The following SOX5 variants were observed in gnomAD, a reference collection of about 807,000 sequenced individuals.
SOX5 encodes SRY-box transcription factor 5.
A neutral mutation model predicts 92.0 loss-of-function variants in SOX5; 9 were observed. The ratio of observed to expected loss-of-function variants is 0.10; its 90% CI spans 0.06 to 0.17. The LOEUF (loss-of-function observed/expected upper bound fraction) is 0.17. SOX5 is among the 10% of genes least tolerant of loss of function. The pLI, the probability that SOX5 is intolerant of heterozygous loss-of-function variation, is 1.00. For synonymous variants in SOX5, 344 were observed against 336.3 expected, an observed-to-expected ratio of 1.02 and a Z score of -0.25; for missense variants, 642 against 944.5, an observed-to-expected ratio of 0.68 and a Z score of 4.20.
chr12:23,811,094 C>T (rs1004363924), intron 3 of SOX5, among the ~76,000 whole-genome samples: 1 of 151,964 alleles, frequency 6.6e-6, no homozygotes, highest in African/African-American at 2.4e-5. Flanking sequence ...CTTGTAAAAG[C>T]CTCGATTTCT....
At chr12:24,554,203 G>A (rs201343850) in intron 1 of SOX5, among the ~76,000 whole-genome samples, 15 of 152,218 alleles carry the variant, frequency 9.9e-5, no homozygotes, top group African/African-American at 1.4e-4. Flanking sequence ...GAATTACACC[G>A]GTACATCTAG....
chr12:24,357,467 G>C (rs2141227459), intron 2 of SOX5: 1 of 152,332 alleles, frequency 6.6e-6, no homozygotes, highest in Admixed American at 6.5e-5. Context: ...ATGCAAAGCA[G>C]GAGGTTCCAA....
chr12:23,881,746 G>A (rs1005504028), intron 2 of SOX5, among the ~76,000 whole-genome samples: 6 of 152,042 alleles, frequency 3.9e-5, no homozygotes, highest in African/African-American at 1.4e-4. Flanking sequence ...AGGCATTTTA[G>A]GTAAGGACAT....
intron 3 of SOX5, among the ~76,000 whole-genome samples, chr12:24,226,458 T>C (rs1320662941): frequency 7.2e-5 from 11 of 152,130 alleles, no homozygotes; most frequent in Non-Finnish European, 1.6e-4. Context: ...GAGATCTTCC[T>C]CATTATTTTA....
intron 8 of SOX5, among the ~76,000 whole-genome samples, chr12:23,610,497 A>T (rs1028826555): frequency 6.6e-6 from 1 of 152,184 alleles, no homozygotes; most frequent in Non-Finnish European, 1.5e-5. Flanking sequence ...GAAAATTTTA[A>T]AAACAAGGAA....
intron 3 of SOX5, among the ~76,000 whole-genome samples, chr12:23,812,831 T>A (rs2095901964): frequency 6.6e-6 from 1 of 152,132 alleles, no homozygotes. Context: ...TTTACACTAA[T>A]ACACTTTTAT....
At chr12:24,014,538 A>G (rs1414241604) in intron 4 of SOX5, among the ~76,000 whole-genome samples, 2 of 152,188 alleles carry the variant, frequency 1.3e-5, no homozygotes, top group African/African-American at 4.8e-5. Context: ...AAGACTTAAA[A>G]GTTTGATGTA....
At chr12:24,383,664 C>A (rs1457406474) in intron 1 of SOX5, among the ~76,000 whole-genome samples, 1 of 152,164 alleles carries the variant, frequency 6.6e-6, no homozygotes, top group Non-Finnish European at 1.5e-5. Flanking sequence ...GTCATGGTAT[C>A]ACCATGCTTC....
rs150944680 is a variant in SOX5 at position 24,510,240 on chromosome 12, T to C, written c.-251+52089A>G. 5.3e-4 allele frequency among the ~76,000 whole-genome samples: 81 copies of C among 152,284 alleles called. No individual in the cohort carries two copies. The East Asian group carries it at 0.013, about 24-fold the overall frequency. On this transcript the variant is annotated intron_variant, in intron 1 of 4. Transcript: ENST00000446891. ...AACACACAGGTGAACACAGTGTGTT[T>C]TGGAAGCAATTACAGAACATAGACT...
chr12:23,661,555 G>A (rs1234652274), intron 7 of SOX5, among the ~76,000 whole-genome samples: 1 of 152,190 alleles, frequency 6.6e-6, no homozygotes, highest in Admixed American at 6.5e-5. Context: ...TTTGTGTAAA[G>A]TAGGATTTGC....
chr12:23,880,068 C>G lies in SOX5; in HGVS notation c.270+15725G>C, dbSNP rs73267714. ...GTGTGAGGATGCACCACAGCAGTAC[C>G]CTAAGAAAGAATTAAGCTCTAGAGG... On this transcript the variant is annotated intron_variant, in intron 2 of 14. Coordinates refer to ENST00000451604, the MANE Select transcript of SOX5 (RefSeq NM_006940.6). Among the ~76,000 whole-genome samples, 551 of 152,186 alleles carry G rather than the reference C, an allele frequency of 3.6e-3. 2 individuals carry two copies. Among genetic ancestry groups the G allele is most frequent in the African/African-American group, 0.013 (524 of 41,522 alleles).
At chr12:23,835,065 C>T (rs2096390351) in intron 3 of SOX5, among the ~76,000 whole-genome samples, 2 of 151,832 alleles carry the variant, frequency 1.3e-5, no homozygotes, top group Admixed American at 6.6e-5. Context: ...TCAGACTCCT[C>T]AATTTAACTG....
chr12:24,326,165 A>C (rs546948809), intron 2 of SOX5, among the ~76,000 whole-genome samples: 6 of 152,118 alleles, frequency 3.9e-5, no homozygotes, highest in South Asian at 2.1e-4. Flanking sequence ...CTAGTAAAAC[A>C]TTTGCTTCCC....
chr12:24,159,698 C>T (rs1453307965), intron 4 of SOX5, among the ~76,000 whole-genome samples: 3 of 151,978 alleles, frequency 2.0e-5, no homozygotes, highest in South Asian at 2.1e-4. Context: ...TTAAGGAACA[C>T]GTTCCAGATA....
chr12:24,556,483 A>C (rs1031739768), intron 1 of SOX5, among the ~76,000 whole-genome samples: 7 of 152,240 alleles, frequency 4.6e-5, no homozygotes, highest in Admixed American at 4.6e-4. Flanking sequence ...GACTCCAGAG[A>C]GCAAAACATT....
chr12:23,660,987 G>C (rs943620835), intron 7 of SOX5, among the ~76,000 whole-genome samples: 2 of 152,166 alleles, frequency 1.3e-5, no homozygotes, highest in Non-Finnish European at 2.9e-5. Context: ...CACACAGTTT[G>C]AGAACCATGG....
At chr12:23,664,420 C>T (rs1260108036) in intron 7 of SOX5, among the ~76,000 whole-genome samples, 2 of 151,574 alleles carry the variant, frequency 1.3e-5, no homozygotes, top group African/African-American at 4.9e-5. Context: ...CAGTGGTGTT[C>T]ACTTTTATCA....
chr12:23,904,169 A>G (rs560967398), intron 1 of SOX5, among the ~76,000 whole-genome samples: 1 of 152,272 alleles, frequency 6.6e-6, no homozygotes, highest in African/African-American at 2.4e-5. Flanking sequence ...GTCATATATA[A>G]TATTCAGAAG....
chr12:24,416,255 G>A (rs901805742), intron 1 of SOX5, among the ~76,000 whole-genome samples: 3 of 152,202 alleles, frequency 2.0e-5, no homozygotes. Flanking sequence ...AGCTCGGTCA[G>A]TCCTGGTTTA....
Sources: allele counts gnomAD v4.1 joint callset (sites outside exome capture counted in the v4.1 genomes callset), GRCh38; gene constraint gnomAD v4.1.1; transcripts MANE v1.5; gene names NCBI Gene and HGNC (gene_info 2026-07-23, HGNC 2026-07-21).